The following ALDH1L2 variants were observed in gnomAD, a reference collection of about 807,000 sequenced individuals.
The protein encoded by ALDH1L2 is mitochondrial 10-formyltetrahydrofolate dehydrogenase.
In ALDH1L2, 91 loss-of-function variants were observed where a neutral mutation model predicts 111.0. The observed-to-expected ratio is 0.82, with a 90% CI of 0.69 to 0.98. The LOEUF is 0.98. Ranked by LOEUF, ALDH1L2 falls within the 50% of genes least tolerant of loss-of-function variation. The pLI, the probability that ALDH1L2 is intolerant of heterozygous loss-of-function variation, is 0.00. For missense variants in ALDH1L2, 995 were observed against 1,126.8 expected, an observed-to-expected ratio of 0.88 and a Z score of 1.67; for synonymous variants, 374 against 392.6, an observed-to-expected ratio of 0.95 and a Z score of 0.56.
intron 20 of ALDH1L2, 90 bp downstream of exon 20, chr12:105,031,679 C>T: frequency 6.6e-7 from 1 of 1,508,670 alleles, no homozygotes; most frequent in Non-Finnish European, 8.9e-7. Flanking sequence ...TGAAGTTTCA[C>T]CATGTTGGCC....
intron 1 of ALDH1L2, among the ~76,000 whole-genome samples, chr12:105,081,619 G>C (rs972750990): frequency 2.0e-5 from 3 of 152,206 alleles, no homozygotes; most frequent in African/African-American, 7.2e-5. Flanking sequence ...AGCCAGGCAG[G>C]ATATCAGAGG....
intron 1 of ALDH1L2, among the ~76,000 whole-genome samples, chr12:105,079,771 T>G (rs946633995): frequency 6.6e-6 from 1 of 152,226 alleles, no homozygotes; most frequent in African/African-American, 2.4e-5. Flanking sequence ...CAGTCCCTTT[T>G]GACCATCACT....
chr12:105,029,635 C>T (rs1264779306), intron 21 of ALDH1L2, among the ~76,000 whole-genome samples: 1 of 151,982 alleles, frequency 6.6e-6, no homozygotes, highest in Admixed American at 6.6e-5. Context: ...CCTTATAGTC[C>T]CCTGAAGTCT....
Position 105,046,949 on chromosome 12 carries a change from G to A in ALDH1L2, c.1707C>T (p.Asn569=). 1.2e-6 allele frequency: 2 copies of A among 1,614,096 alleles called. No homozygotes were observed. The highest frequency in any genetic ancestry group is 1.7e-6 in the Non-Finnish European group (2 of 1,179,974). The change falls in exon 14 of 23, where the codon AAC becomes AAT. Residue 569 remains asparagine (N), a synonymous_variant. Coordinates refer to ENST00000258494, the MANE Select transcript of ALDH1L2 (RefSeq NM_001034173.4). ...TCAGATTGCGATTTGGACGGGCCTG[G>A]TTGATTGGAATAGTAGAACCCTAAA... The part of the protein sequence containing the change: ...DKIQGSTIPI[N]QARPNRNLTF...
intron 1 of ALDH1L2, 111 bp from the exon 2 acceptor site, chr12:105,074,116 G>A (rs1877892573): frequency 7.2e-7 from 1 of 1,391,890 alleles, no homozygotes; most frequent in Non-Finnish European, 9.8e-7. Context: ...TGGGTATCAG[G>A]TACACCAAAA....
intron 2 of ALDH1L2, among the ~76,000 whole-genome samples, chr12:105,073,394 G>A (rs1159589163): frequency 6.9e-6 from 1 of 145,198 alleles, no homozygotes; most frequent in Admixed American, 7.2e-5. Flanking sequence ...AGCCCAAATG[G>A]CCATGACAAA....
At position 105,024,340 on chromosome 12, in the gene ALDH1L2, C is replaced by T. The variant is rs1214163619; in HGVS notation, c.*84G>A. The T allele has an allele frequency of 2.0e-6, 3 of 1,535,252 alleles. No homozygotes were observed. Among genetic ancestry groups the T allele is most frequent in the East Asian group, 4.5e-5 (2 of 44,544 alleles). On this transcript the variant is annotated 3_prime_UTR_variant, in exon 23 of 23. Coordinates refer to ENST00000258494, the MANE Select transcript of ALDH1L2 (RefSeq NM_001034173.4). Reference sequence around the variant, plus strand: ...TTTTTTGGTTTGTGGCTGACACCTCCTGCCTCAACACACCCAATCTTCTTA... The same window carrying T: ...TTTTTTGGTTTGTGGCTGACACCTCTTGCCTCAACACACCCAATCTTCTTA...
At chr12:105,057,936 C>G in intron 10 of ALDH1L2, 137 bp downstream of exon 10, 1 of 1,052,988 alleles carries the variant, frequency 9.5e-7, no homozygotes, top group Non-Finnish European at 1.3e-6. Flanking sequence ...AATTTTATGC[C>G]ATCTGAATTA....
intron 1 of ALDH1L2, among the ~76,000 whole-genome samples, chr12:105,077,878 G>A (rs975333293): frequency 1.8e-4 from 27 of 152,118 alleles, no homozygotes; most frequent in Admixed American, 7.2e-4. Context: ...TAAGGCCAAA[G>A]CTATCCAAGT....
chr12:105,031,808 C>T lies in ALDH1L2; in HGVS notation c.2371G>A (p.Ala791Thr). 1 of 1,614,198 alleles carries T rather than the reference C, an allele frequency of 6.2e-7. No individual in the cohort carries two copies. The highest frequency in any genetic ancestry group is 1.3e-5 in the African/African-American group (1 of 75,042). Residue 791 changes from alanine (A) to threonine (T), a missense_variant, in exon 20 of 23, where the codon GCC becomes ACC. Ala to Thr is a moderately conservative substitution (Grantham distance 58, BLOSUM62 0). Transcript: ENST00000258494. ...TGTCTTCCCCCGTACACCAAAGTGGCCCCTTCTTTCACTCCAGTTTCACAG... is the reference window on the plus strand; with the variant it reads ...TGTCTTCCCCCGTACACCAAAGTGGTCCCTTCTTTCACTCCAGTTTCACAG... Reference protein sequence around the residue: ...QYCETGVKEGATLVYGGRQVQ... With the variant: ...QYCETGVKEGTTLVYGGRQVQ...
chr12:105,034,983 CATAAATAA>C (rs375314124), intron 18 of ALDH1L2, among the ~76,000 whole-genome samples: 1 of 139,880 alleles, frequency 7.1e-6, no homozygotes, highest in African/African-American at 3.0e-5. Flanking sequence ...GATTCCATCT[CATAAATAA>C]ATAAATAAAT....
intron 15 of ALDH1L2, among the ~76,000 whole-genome samples, chr12:105,041,811 C>G (rs1413218424): frequency 6.6e-6 from 1 of 152,118 alleles, no homozygotes. Context: ...TTCAATTGTT[C>G]TAGATTTGGC....
chr12:105,084,096 C>A (rs1466961980), intron 1 of ALDH1L2, among the ~76,000 whole-genome samples: 1 of 152,156 alleles, frequency 6.6e-6, no homozygotes, highest in Admixed American at 6.5e-5. Context: ...AGTGACTGTT[C>A]CCACCTTGCC....
intron 2 of ALDH1L2, among the ~76,000 whole-genome samples, chr12:105,073,001 C>G (rs1877826532): frequency 6.6e-6 from 1 of 152,192 alleles, no homozygotes; most frequent in Admixed American, 6.5e-5. Flanking sequence ...TCTGCTGAGA[C>G]AGGCTGAGAC....
intron 21 of ALDH1L2, among the ~76,000 whole-genome samples, chr12:105,028,467 T>C (rs576775076): frequency 1.4e-4 from 22 of 152,174 alleles, no homozygotes; most frequent in Non-Finnish European, 2.9e-5. Flanking sequence ...GTTCCAAAAC[T>C]GGAGGAAAAA....
At chr12:105,036,988 T>C (rs1875191589) in intron 18 of ALDH1L2, among the ~76,000 whole-genome samples, 1 of 152,022 alleles carries the variant, frequency 6.6e-6, no homozygotes. Context: ...TCCATTCTCT[T>C]TGGGATGCTT....
At chr12:105,083,792 G>T (rs563644554) in intron 1 of ALDH1L2, among the ~76,000 whole-genome samples, 1 of 152,298 alleles carries the variant, frequency 6.6e-6, no homozygotes, top group Non-Finnish European at 1.5e-5. Flanking sequence ...CAGTAGAATA[G>T]TGTTCCAGCG....
intron 4 of ALDH1L2, 150 bp from the exon 5 acceptor site, chr12:105,066,819 T>C: frequency 1.5e-6 from 1 of 654,210 alleles, no homozygotes; most frequent in East Asian, 2.7e-5. Context: ...TTCAGGTCCA[T>C]CCTGACAAGC....
chr12:105,077,732 C>T (rs1308432609), intron 1 of ALDH1L2, among the ~76,000 whole-genome samples: 3 of 128,524 alleles, frequency 2.3e-5, no homozygotes, highest in Non-Finnish European at 4.9e-5. Flanking sequence ...GACTATGCTC[C>T]AAGAATTAAA....
Sources: allele counts gnomAD v4.1 joint callset (sites outside exome capture counted in the v4.1 genomes callset), GRCh38; gene constraint gnomAD v4.1.1; transcripts MANE v1.5; gene names NCBI Gene and HGNC (gene_info 2026-07-23, HGNC 2026-07-21).